The following NLRP5 variants were observed in gnomAD, a reference collection of about 807,000 sequenced individuals.
The protein encoded by NLRP5 is NACHT, LRR and PYD domains-containing protein 5.
In NLRP5, 93 loss-of-function variants were observed where a neutral mutation model predicts 113.1. That is an observed-to-expected ratio of 0.82 (90% CI 0.70 to 0.98). NLRP5 has a LOEUF of 0.98. Among genes scored for constraint, NLRP5 ranks in the 50% least tolerant of loss-of-function variants. The probability of loss-of-function intolerance (pLI) is 0.00; values close to 1 mark genes in which losing one functional copy is unlikely to be tolerated. For synonymous variants in NLRP5, 751 were observed against 600.7 expected, an observed-to-expected ratio of 1.25 and a Z score of -3.66; for missense variants, 1,808 against 1,514.3, an observed-to-expected ratio of 1.19 and a Z score of -3.22.
chr19:56,033,699 G>A lies in NLRP5; in HGVS notation c.2605G>A (p.Glu869Lys). 1 of 1,612,780 alleles carries A rather than the reference G, an allele frequency of 6.2e-7. No homozygotes were observed. The highest frequency in any genetic ancestry group is 1.6e-4 in the Middle Eastern group (1 of 6,062). Reference sequence around the variant, plus strand: ...CTTAAAACACCCAAAATGTTTGTTGGAGTCTTTGAGGTACGTCTCTGGTAG... The same window carrying A: ...CTTAAAACACCCAAAATGTTTGTTGAAGTCTTTGAGGTACGTCTCTGGTAG... The change falls in exon 9 of 15, where the codon GAG becomes AAG. Residue 869 changes from glutamate (E) to lysine (K), a missense_variant. Transcript: ENST00000390649.
chr19:56,021,821 A>C (rs966380212), intron 6 of NLRP5, among the ~76,000 whole-genome samples: 1 of 152,204 alleles, frequency 6.6e-6, no homozygotes, highest in Admixed American at 6.6e-5. Flanking sequence ...CTTGACTAGC[A>C]TGAGATATTG....
intron 7 of NLRP5, among the ~76,000 whole-genome samples, chr19:56,030,797 C>A (rs1052781808): frequency 7.2e-6 from 1 of 138,650 alleles, no homozygotes; most frequent in South Asian, 2.4e-4. Context: ...TCACTGCAAC[C>A]TCCACCTCCT....
chr19:56,002,250 G>T (rs1253523665), intron 1 of NLRP5, among the ~76,000 whole-genome samples: 1 of 152,092 alleles, frequency 6.6e-6, no homozygotes, highest in Admixed American at 6.6e-5. Flanking sequence ...TATTAAATTG[G>T]ATCGTCTCCC....
Position 56,027,318 on chromosome 19 carries a change from A to G in NLRP5, c.1085A>G (p.Asp362Gly), listed in dbSNP as rs1982901105. 2 of 1,612,346 alleles carry G rather than the reference A, an allele frequency of 1.2e-6. No homozygotes were observed. Among genetic ancestry groups the G allele is most frequent in the African/African-American group, 2.7e-5 (2 of 74,900 alleles). The change falls in exon 7 of 15, where the codon GAC (aspartate) becomes GGC (glycine). Residue 362 changes from aspartate to glycine, a missense_variant. Transcript: ENST00000390649. ...CCAGAAAGGCTGTTGTTCATCATTG[A>G]CGGTTTCGATGACCTGGGCTCTGTC...
At chr19:56,025,386 TTCTC>T (rs3055366) in intron 6 of NLRP5, among the ~76,000 whole-genome samples, 145 of 146,530 alleles carry the variant, frequency 9.9e-4, no homozygotes, top group African/African-American at 2.9e-3. Context: ...ACGTGCTCCG[TTCTC>T]TCTCTCTCTC....
chr19:56,056,425 C>T lies in NLRP5; in HGVS notation c.3300-1815C>T, dbSNP rs142769004. 3.9e-4 allele frequency among the ~76,000 whole-genome samples: 60 copies of T among 152,240 alleles called. 1 individual carries two copies. The East Asian group carries it at 0.011, about 27-fold the overall frequency. On this transcript the variant is annotated intron_variant, in intron 13 of 14. Transcript: ENST00000390649. The stretch of plus-strand genomic sequence containing the variant: ...TATAAAAGTTAGCCGGGCTTGGTGG[C>T]GTACGCCTGTAATCCCAGCTACTCA...
intron 14 of NLRP5, among the ~76,000 whole-genome samples, chr19:56,058,614 A>C (rs528693794): frequency 2.0e-5 from 3 of 152,346 alleles, no homozygotes; most frequent in East Asian, 1.9e-4. Flanking sequence ...CAGGTGCCTG[A>C]TATCATGGAG....
chr19:56,055,778 C>T (rs1380117063), intron 13 of NLRP5, among the ~76,000 whole-genome samples: 1 of 151,874 alleles, frequency 6.6e-6, no homozygotes, highest in Non-Finnish European at 1.5e-5. Context: ...ATCTCCTGAC[C>T]TCATGATCTG....
intron 11 of NLRP5, among the ~76,000 whole-genome samples, chr19:56,045,668 T>C (rs1983696692): frequency 6.6e-6 from 1 of 152,130 alleles, no homozygotes. Context: ...TGGTTTTTTG[T>C]CCTTGGGATA....
At chr19:56,015,896 T>C in intron 4 of NLRP5, 98 bp downstream of exon 4, 1 of 842,284 alleles carries the variant, frequency 1.2e-6, no homozygotes, top group East Asian at 2.9e-5. Flanking sequence ...CACTTTCCCT[T>C]TCTTCATCCT....
chr19:55,996,190 C>T (rs190330408), upstream of NLRP5, among the ~76,000 whole-genome samples: 525 of 152,276 alleles, frequency 3.4e-3, no homozygotes, highest in Non-Finnish European at 6.0e-3. Context: ...ATAGGAGTGG[C>T]GGAAGTGGGC....
In NLRP5 at chr19:56,061,462, C is replaced by G. The variant is rs1984350013; in HGVS notation, c.3537C>G (p.Pro1179=). 1 of 1,613,946 alleles carries G rather than the reference C, an allele frequency of 6.2e-7. No individual in the cohort carries two copies. The highest frequency in any genetic ancestry group is 8.5e-7 in the Non-Finnish European group (1 of 1,179,848). The change falls in exon 15 of 15, where the codon CCC becomes CCG. Residue 1179 remains proline, a synonymous_variant. Transcript: ENST00000390649. Reference sequence around the variant, plus strand: ...TGGAGGAAGTGCAGCTACTCAAGCCCCGAGTCGTAATTGACGGTAGTTGGC... The same window carrying G: ...TGGAGGAAGTGCAGCTACTCAAGCCGCGAGTCGTAATTGACGGTAGTTGGC...
chr19:55,998,053 T>TAC (rs1317180388), upstream of NLRP5, among the ~76,000 whole-genome samples: 2 of 152,216 alleles, frequency 1.3e-5, no homozygotes, highest in African/African-American at 4.8e-5. Flanking sequence ...CATGGTAGCA[T>TAC]ACACACACAC....
chr19:55,998,672 G>GTGTGTGTGTGTATATA (rs1474569739), upstream of NLRP5, among the ~76,000 whole-genome samples: 2 of 105,964 alleles, frequency 1.9e-5, no homozygotes, highest in Admixed American at 1.1e-4. Context: ...GTGTGTGTGT[G>GTGTGTGTGTGTATATA]TATATATATA....
rs773140066 is a variant in NLRP5 at position 56,041,075 on chromosome 19, T to C, written c.2940T>C (p.Cys980=). Residue 980 remains cysteine, a synonymous_variant, in exon 11 of 15, where the codon TGT becomes TGC. Coordinates refer to ENST00000390649, the MANE Select transcript of NLRP5 (RefSeq NM_153447.4). ...GTCGATCCATGAGGCTTCCCCACTG[T>C]AGTCTGCAGAGGCTGATGTGAGTCT... 1.2e-6 allele frequency: 2 copies of C among 1,613,948 alleles called. No individual in the cohort carries two copies. Among genetic ancestry groups the C allele is most frequent in the African/African-American group, 1.3e-5 (1 of 75,048 alleles).
At chr19:56,009,215 C>T (rs1381763721) in intron 3 of NLRP5, among the ~76,000 whole-genome samples, 1 of 151,646 alleles carries the variant, frequency 6.6e-6, no homozygotes, top group African/African-American at 2.4e-5. Flanking sequence ...TGGTGGGTGC[C>T]TGTAATCCCA....
At chr19:56,057,133 CTG>C (rs1243370458) in intron 13 of NLRP5, among the ~76,000 whole-genome samples, 2 of 152,286 alleles carry the variant, frequency 1.3e-5, no homozygotes, top group African/African-American at 2.4e-5. Context: ...AAGACTCAGT[CTG>C]TGCATTTTGG....
chr19:56,032,731 G>T lies in NLRP5; in HGVS notation c.2397G>T (p.Lys799Asn), dbSNP rs561876909. Reference sequence around the variant, plus strand: ...GCATCCTGACAGAGCGGGCCATGAAGACCCTGTGTGCCAAGCTGAGGCATC... The same window carrying T: ...GCATCCTGACAGAGCGGGCCATGAATACCCTGTGTGCCAAGCTGAGGCATC... The change falls in exon 8 of 15, where the codon AAG becomes AAT. Residue 799 changes from lysine to asparagine, a missense_variant. Physicochemically the swap from Lys to Asn is moderately conservative, Grantham distance 94. Transcript: ENST00000390649. 1.2e-6 allele frequency: 2 copies of T among 1,613,000 alleles called. No individual in the cohort carries two copies. The highest frequency in any genetic ancestry group is 2.7e-5 in the African/African-American group (2 of 75,022).
chr19:56,056,247 A>G (rs1315732036), intron 13 of NLRP5, among the ~76,000 whole-genome samples: 3 of 152,140 alleles, frequency 2.0e-5, no homozygotes, highest in South Asian at 2.1e-4. Context: ...ACCAGTACAC[A>G]CTTCCTCCTG....
Sources: allele counts gnomAD v4.1 joint callset (sites outside exome capture counted in the v4.1 genomes callset), GRCh38; gene constraint gnomAD v4.1.1; transcripts MANE v1.5; gene names NCBI Gene and HGNC (gene_info 2026-07-23, HGNC 2026-07-21).